PHC3: variants seen among roughly 807,000 people sequenced by gnomAD.
The protein encoded by PHC3 is polyhomeotic-like protein 3.
PHC3 carries 13 observed loss-of-function variants against 107.4 expected under a neutral mutation model. The observed-to-expected ratio is 0.12, with a 90% CI of 0.08 to 0.19. The LOEUF is 0.19. Ranked by LOEUF, PHC3 falls within the 10% of genes least tolerant of loss-of-function variation. The pLI is 1.00. For missense variants in PHC3, 992 were observed against 1,210.9 expected (o/e 0.82, Z 2.68); for synonymous variants, 456 against 427.4 (o/e 1.07, Z -0.83).
Position 170,149,041 on chromosome 3 carries a change from C to G in PHC3, c.573+45G>C, listed in dbSNP as rs547001684. 2.0e-5 allele frequency: 32 copies of G among 1,561,504 alleles called. No homozygotes were observed. The South Asian group carries it at 3.7e-4, about 18-fold the overall frequency. ...ATCAAATCAAGAAACATTTTGATCT[C>G]TCAAGTCCTTAAACACTGAAAAAAT... is the stretch of plus-strand genomic sequence containing the variant. On this transcript the variant is annotated intron_variant, in intron 5 of 14. Coordinates refer to ENST00000495893, the MANE Select transcript of PHC3 (RefSeq NM_024947.4).
intron 12 of PHC3, among the ~76,000 whole-genome samples, chr3:170,103,766 CCT>C (rs1173829371): frequency 1.3e-5 from 2 of 152,168 alleles, no homozygotes; most frequent in African/African-American, 2.4e-5. Context: ...TTGAAAATAC[CCT>C]GAGCCAGGCC....
At chr3:170,123,843 T>C (rs1169745160) in intron 8 of PHC3, among the ~76,000 whole-genome samples, 1 of 151,916 alleles carries the variant, frequency 6.6e-6, no homozygotes, top group Admixed American at 6.6e-5. Context: ...GAAGGAGCTA[T>C]GTAACTAGAA....
chr3:170,142,867 C>CA lies in PHC3; in HGVS notation c.672+2555dup, dbSNP rs570119220. The stretch of plus-strand genomic sequence containing the variant: ...TCTATTAGGTTTCATAAAACTAAAA[C>CA]AAAAAAAAAGAAGATCATTATTTCA... On this transcript the variant is annotated intron_variant, in intron 6 of 14. Transcript: ENST00000495893. Among the ~76,000 whole-genome samples the CA allele has an allele frequency of 1.8e-3, 266 of 150,626 alleles. 5 individuals carry two copies. The South Asian group carries it at 0.048, about 27-fold the overall frequency.
chr3:170,156,286 T>G (rs771974348), intron 4 of PHC3, among the ~76,000 whole-genome samples: 1 of 151,792 alleles, frequency 6.6e-6, no homozygotes, highest in Non-Finnish European at 1.5e-5. Flanking sequence ...AGACAGAGTC[T>G]CACTCTGCTG....
Position 170,178,969 on chromosome 3 carries a change from T to C in PHC3, c.15-31A>G, listed in dbSNP as rs746000389. On this transcript the variant is annotated intron_variant, in intron 1 of 14. Transcript: ENST00000495893. ...AGGTCACACAAAGTGTTTGTATTGGTAAAAGCATTATCTTATGAGCTTTAA... is the reference window on the plus strand; with the variant it reads ...AGGTCACACAAAGTGTTTGTATTGGCAAAAGCATTATCTTATGAGCTTTAA... The C allele has an allele frequency of 1.9e-6, 3 of 1,566,354 alleles. No individual in the cohort carries two copies. In the East Asian group the frequency reaches 6.7e-5, roughly 35 times the overall value.
At chr3:170,139,256 A>C (rs1442500503) in intron 6 of PHC3, among the ~76,000 whole-genome samples, 3 of 152,352 alleles carry the variant, frequency 2.0e-5, no homozygotes, top group African/African-American at 7.2e-5. Flanking sequence ...TTTGAAATAT[A>C]TATTACATGG....
At chr3:170,160,557 C>T (rs1419760057) in intron 4 of PHC3, among the ~76,000 whole-genome samples, 1 of 152,160 alleles carries the variant, frequency 6.6e-6, no homozygotes, top group Non-Finnish European at 1.5e-5. Flanking sequence ...AACTCAATCT[C>T]AGGCAATTAG....
chr3:170,120,584 CAAT>C (rs1417007185), intron 9 of PHC3, among the ~76,000 whole-genome samples: 2 of 151,188 alleles, frequency 1.3e-5, no homozygotes, highest in African/African-American at 4.9e-5. Flanking sequence ...AAAAAAAAAA[CAAT>C]AATATAAAAC....
At chr3:170,171,330 T>C (rs1449010322) in intron 4 of PHC3, 43 bp downstream of exon 4, 1 of 1,378,572 alleles carries the variant, frequency 7.3e-7, no homozygotes, top group Non-Finnish European at 1.0e-6. Flanking sequence ...AAAACAATTC[T>C]TTAAAATTTT....
Position 170,088,572 on chromosome 3 carries a change from G to A in PHC3, c.*8658C>T, listed in dbSNP as rs1352629429. On this transcript the variant is annotated 3_prime_UTR_variant, in exon 15 of 15. Transcript: ENST00000495893. ...AGAGGACTGGGAATCTAGTTTAAAT[G>A]TCTACATCCAAAATTATATCATCTT... is the stretch of plus-strand genomic sequence containing the variant. The A allele has an allele frequency of 1.3e-5, 2 of 152,080 alleles. No homozygotes were observed. The highest frequency in any genetic ancestry group is 4.8e-5 in the African/African-American group (2 of 41,394). The allele number at this position is 152,080 out of a possible 1,614,324, so 9.4% of individuals were successfully genotyped here.
intron 4 of PHC3, among the ~76,000 whole-genome samples, chr3:170,162,813 C>T (rs1332796274): frequency 2.0e-5 from 3 of 152,142 alleles, no homozygotes; most frequent in Non-Finnish European, 4.4e-5. Context: ...TCTCTGATGT[C>T]ATCTTTAAAC....
intron 6 of PHC3, among the ~76,000 whole-genome samples, chr3:170,143,789 T>C (rs949265418): frequency 1.3e-5 from 2 of 152,150 alleles, no homozygotes; most frequent in Non-Finnish European, 2.9e-5. Flanking sequence ...CCAACCAATA[T>C]ACAGAACATC....
intron 4 of PHC3, chr3:170,170,723 C>G (rs1729458750): frequency 6.6e-6 from 1 of 152,002 alleles, no homozygotes; most frequent in Non-Finnish European, 1.5e-5. Flanking sequence ...ATTGATTAAT[C>G]TGAGTAGAGT....
In PHC3 at chr3:170,092,969, ATATC is replaced by A. The variant is rs1291102095; in HGVS notation, c.*4257_*4260del. 2.0e-5 allele frequency: 3 copies of A among 152,222 alleles called. No homozygotes were observed. The highest frequency in any genetic ancestry group is 6.5e-5 in the Admixed American group (1 of 15,270). 9.4% of individuals were successfully genotyped at this position (152,222 alleles called of 1,614,324 possible). A position where few individuals can be genotyped will look rare whatever the true frequency, so the allele number is the denominator to read the frequency against. On this transcript the variant is annotated 3_prime_UTR_variant, in exon 15 of 15. Transcript: ENST00000495893. Reference sequence around the variant, plus strand: ...TTATTTTGAACTATGGATGAAAGCCATATCTATCCTAAATATCTTCTATCCTCTT... The same window carrying A: ...TTATTTTGAACTATGGATGAAAGCCATATCCTAAATATCTTCTATCCTCTT...
rs1218108898 is a variant in PHC3 at position 170,091,268 on chromosome 3, T to A, written c.*5962A>T. ...CTTATATTTAATTAACACCTTGCCA[T>A]GTTAGTATAACAGTGTTTTCAAATT... On this transcript the variant is annotated 3_prime_UTR_variant, in exon 15 of 15. Transcript: ENST00000495893. 6.6e-6 allele frequency: 1 copy of A among 152,230 alleles called. No individual in the cohort carries two copies. Among genetic ancestry groups the A allele is most frequent in the Non-Finnish European group, 1.5e-5 (1 of 68,028 alleles). 9.4% of individuals were successfully genotyped at this position (152,230 alleles called of 1,614,324 possible).
intron 4 of PHC3, among the ~76,000 whole-genome samples, chr3:170,155,732 G>A (rs1388391750): frequency 6.6e-6 from 1 of 151,462 alleles, no homozygotes; most frequent in Non-Finnish European, 1.5e-5. Context: ...AAAAAAAAAA[G>A]TTAAGAAAAA....
intron 8 of PHC3, among the ~76,000 whole-genome samples, chr3:170,125,233 A>G (rs1418218357): frequency 1.3e-5 from 2 of 152,132 alleles, no homozygotes; most frequent in African/African-American, 4.8e-5. Context: ...GTTCATGATA[A>G]TAACAGTTTT....
In PHC3 at chr3:170,087,608, T is replaced by TAAAG. The variant is rs1713624250; in HGVS notation, c.*9618_*9621dup. 2 of 152,080 alleles carry TAAAG rather than the reference T, an allele frequency of 1.3e-5. No individual in the cohort carries two copies. Among genetic ancestry groups the TAAAG allele is most frequent in the South Asian group, 2.1e-4 (1 of 4,830 alleles). 9.4% of individuals were successfully genotyped at this position (152,080 alleles called of 1,614,324 possible). A position where few individuals can be genotyped will look rare whatever the true frequency, so the allele number is the denominator to read the frequency against. On this transcript the variant is annotated 3_prime_UTR_variant, in exon 15 of 15. Coordinates refer to ENST00000495893, the MANE Select transcript of PHC3 (RefSeq NM_024947.4). ...GTCAAATGGAAGAGGCTTTTATTTG[T>TAAAG]AAAGAAATGAACTTACAACTGATCT...
chr3:170,128,911 G>T lies in PHC3; in HGVS notation c.1561C>A (p.Pro521Thr). The T allele has an allele frequency of 1.2e-6, 2 of 1,614,058 alleles. No individual in the cohort carries two copies. The highest frequency in any genetic ancestry group is 1.7e-6 in the Non-Finnish European group (2 of 1,179,892). The change falls in exon 8 of 15, where the codon CCT becomes ACT. Residue 521 changes from proline to threonine, a missense_variant. By Grantham distance (38) the Pro-to-Thr change is conservative. Transcript: ENST00000495893. ...IASPPQMSTS[P>T]PAQIPPLPLQ... ...GGCAGTGGTGGAATCTGAGCTGGAG[G>T]AGATGTCGACATCTGTGGAGGACTT... is the stretch of plus-strand genomic sequence containing the variant.
Sources: gnomAD v4.1 joint callset for allele counts (sites outside exome capture counted in the v4.1 genomes callset) on GRCh38, gnomAD v4.1.1 for gene constraint, MANE v1.5 for transcripts, NCBI Gene and HGNC (gene_info 2026-07-23, HGNC 2026-07-21) for gene names.